ARHGAP18: variants seen among roughly 807,000 people sequenced by gnomAD.
ARHGAP18 encodes the protein Rho GTPase activating protein 18, also known as rho GTPase-activating protein 18.
ARHGAP18 carries 67 observed loss-of-function variants against 86.2 expected under a neutral mutation model. That is an observed-to-expected ratio of 0.78 (90% confidence interval 0.64 to 0.95). The LOEUF (loss-of-function observed/expected upper bound fraction) is 0.95. ARHGAP18 is among the 40% of genes least tolerant of loss of function. ARHGAP18 has a pLI of 0.00. For missense variants in ARHGAP18, 691 were observed against 780.4 expected, an observed-to-expected ratio of 0.89 and a Z score of 1.37; for synonymous variants, 283 against 280.4, an observed-to-expected ratio of 1.01 and a Z score of -0.09.
At position 129,608,056 on chromosome 6, in the gene ARHGAP18, A is replaced by C. The variant is rs376548363; in HGVS notation, c.1123-4T>G. ...CTTCTAGTTCTTGGCAAAGATTCTG[A>C]TAGGCACGAAAAAAAAAAAAAAAAA... On this transcript the variant is annotated splice_polypyrimidine_tract_variant and splice_region_variant and intron_variant, in intron 8 of 14. Coordinates refer to ENST00000368149, the MANE Select transcript of ARHGAP18 (RefSeq NM_033515.3). 5.1e-5 allele frequency: 45 copies of C among 881,566 alleles called. No homozygotes were observed. The African/African-American group carries it at 6.8e-4, about 13-fold the overall frequency. 54.6% of individuals were successfully genotyped at this position (881,566 alleles called of 1,614,324 possible). A position where few individuals can be genotyped will look rare whatever the true frequency, so the allele number is the denominator to read the frequency against.
chr6:129,655,337 A>AG (rs1554339767), intron 1 of ARHGAP18, among the ~76,000 whole-genome samples: 82 of 98,672 alleles, frequency 8.3e-4, no homozygotes, highest in African/African-American at 2.7e-3. Context: ...AAAAAAAAAA[A>AG]AAAAGAAAAG....
intron 1 of ARHGAP18, among the ~76,000 whole-genome samples, chr6:129,658,230 T>C (rs560503115): frequency 6.6e-6 from 1 of 152,230 alleles, no homozygotes; most frequent in East Asian, 1.9e-4. Flanking sequence ...TTTTCACCTA[T>C]AAAGCCATAA....
At chr6:129,663,127 T>C (rs898676184) in intron 1 of ARHGAP18, among the ~76,000 whole-genome samples, 3 of 152,108 alleles carry the variant, frequency 2.0e-5, no homozygotes, top group Non-Finnish European at 4.4e-5. Context: ...ACAAAACCCA[T>C]GCTCAAGACT....
intron 1 of ARHGAP18, among the ~76,000 whole-genome samples, chr6:129,651,261 A>T (rs1773705400): frequency 6.6e-6 from 1 of 152,150 alleles, no homozygotes; most frequent in African/African-American, 2.4e-5. Flanking sequence ...CCATGATGTT[A>T]CTTGTGGATG....
intron 5 of ARHGAP18, among the ~76,000 whole-genome samples, chr6:129,623,181 A>C (rs1003076939): frequency 6.6e-6 from 1 of 151,946 alleles, no homozygotes; most frequent in Non-Finnish European, 1.5e-5. Context: ...CTAATAATAA[A>C]CTTGACTTTT....
chr6:129,584,366 C>G (rs985617515), intron 12 of ARHGAP18, among the ~76,000 whole-genome samples: 4 of 152,112 alleles, frequency 2.6e-5, no homozygotes, highest in African/African-American at 9.7e-5. Flanking sequence ...ACAGCAATAA[C>G]CATTACTGCC....
intron 13 of ARHGAP18, 129 bp from the exon 14 acceptor site, chr6:129,580,260 C>A: frequency 1.4e-6 from 1 of 717,132 alleles, no homozygotes; most frequent in Non-Finnish European, 2.4e-6. Context: ...ATTATCTACA[C>A]GTTTGTATTT....
chr6:129,695,398 A>G (rs944319458), intron 1 of ARHGAP18, among the ~76,000 whole-genome samples: 54 of 152,330 alleles, frequency 3.5e-4, no homozygotes, highest in African/African-American at 1.3e-3. Flanking sequence ...AGGGATCTAA[A>G]CCCAATTTAT....
At position 129,674,430 on chromosome 6, in the gene ARHGAP18, G is replaced by T. The variant is rs551190523; in HGVS notation, c.114-32412C>A. ...GTACTGAATTATTTTTCTGTGACAC[G>T]ACTGATTAAACAGCTTATATAAACA... On this transcript the variant is annotated intron_variant, in intron 1 of 14. Coordinates refer to ENST00000368149, the MANE Select transcript of ARHGAP18 (RefSeq NM_033515.3). Among the ~76,000 whole-genome samples, 5 of 152,252 alleles carry T rather than the reference G, an allele frequency of 3.3e-5. No homozygotes were observed. The East Asian group carries it at 9.6e-4, about 29-fold the overall frequency.
At chr6:129,688,622 G>A (rs569045474) in intron 1 of ARHGAP18, among the ~76,000 whole-genome samples, 1 of 152,204 alleles carries the variant, frequency 6.6e-6, no homozygotes, top group South Asian at 2.1e-4. Context: ...GTGAAATTCT[G>A]TCTCTACTAA....
At chr6:129,605,079 TAA>T (rs772119372) in intron 10 of ARHGAP18, among the ~76,000 whole-genome samples, 5 of 152,162 alleles carry the variant, frequency 3.3e-5, no homozygotes, top group Admixed American at 6.5e-5. Flanking sequence ...TTTACCCATA[TAA>T]AAAATATTTT....
At chr6:129,684,830 T>TAC (rs1289761201) in intron 1 of ARHGAP18, among the ~76,000 whole-genome samples, 4 of 152,206 alleles carry the variant, frequency 2.6e-5, no homozygotes, top group African/African-American at 9.7e-5. Flanking sequence ...AGCCTAATAC[T>TAC]ACCCCAAGGA....
chr6:129,685,839 G>A (rs12527330), intron 1 of ARHGAP18, among the ~76,000 whole-genome samples: 9,666 of 152,096 alleles, frequency 0.064, 420 homozygotes, highest in Middle Eastern at 0.1. Context: ...TCCCAGAAGT[G>A]AGAAGTCCAG....
At position 129,629,407 on chromosome 6, in the gene ARHGAP18, T is replaced by C; in HGVS notation, c.732A>G (p.Lys244=). ...TCTGGATTTTCTCCTTGGAGCTCTC[T>C]TTCTGATTGAGTGCTTGCTCGGCAA... The part of the protein sequence containing the change: ...VSFAEQALNQ[K]ESSKEKIQKS... The change falls in exon 5 of 15, where the codon AAA becomes AAG. Residue 244 remains lysine, a synonymous_variant. Coordinates refer to ENST00000368149, the MANE Select transcript of ARHGAP18 (RefSeq NM_033515.3). The C allele has an allele frequency of 1.2e-6, 2 of 1,614,040 alleles. No homozygotes were observed. The highest frequency in any genetic ancestry group is 2.7e-5 in the African/African-American group (2 of 75,016).
At chr6:129,590,502 G>T (rs556630521) in intron 12 of ARHGAP18, among the ~76,000 whole-genome samples, 1 of 152,270 alleles carries the variant, frequency 6.6e-6, no homozygotes, top group South Asian at 2.1e-4. Context: ...TTTTTGCCAA[G>T]ATGGGAAGCA....
intron 1 of ARHGAP18, among the ~76,000 whole-genome samples, chr6:129,707,965 C>T (rs747025749): frequency 6.6e-6 from 1 of 152,044 alleles, no homozygotes; most frequent in Non-Finnish European, 1.5e-5. Flanking sequence ...TTCACCGCCC[C>T]GAAACCACTA....
intron 1 of ARHGAP18, among the ~76,000 whole-genome samples, chr6:129,685,739 A>C (rs960068273): frequency 6.7e-6 from 1 of 149,656 alleles, no homozygotes; most frequent in African/African-American, 2.4e-5. Flanking sequence ...ATATTCAAAA[A>C]TACAAGGCAG....
intron 5 of ARHGAP18, among the ~76,000 whole-genome samples, chr6:129,625,813 T>C (rs868682495): frequency 0.01 from 887 of 84,692 alleles, 60 homozygotes; most frequent in African/African-American, 0.044. Context: ...ATATATTATA[T>C]ATTTATATAT....
chr6:129,580,590 A>G (rs1271760171), intron 13 of ARHGAP18, among the ~76,000 whole-genome samples: 2 of 152,226 alleles, frequency 1.3e-5, no homozygotes, highest in African/African-American at 4.8e-5. Flanking sequence ...CATGTGAAGA[A>G]TAAGACATGC....
Sources: gnomAD v4.1 joint callset for allele counts (sites outside exome capture counted in the v4.1 genomes callset) on GRCh38, gnomAD v4.1.1 for gene constraint, MANE v1.5 for transcripts, NCBI Gene and HGNC (gene_info 2026-07-23, HGNC 2026-07-21) for gene names.